HS1BP3: variants seen among roughly 807,000 people sequenced by gnomAD.
The protein encoded by HS1BP3 is HCLS1-binding protein 3.
In HS1BP3, 32 loss-of-function variants were observed where a neutral mutation model predicts 33.5. The observed-to-expected ratio is 0.95, with a 90% confidence interval of 0.72 to 1.28. The LOEUF is 1.28. Ranked by LOEUF, HS1BP3 falls within the 50% of genes most tolerant of loss-of-function variation. HS1BP3 has a pLI of 0.00. For synonymous variants in HS1BP3, 187 were observed against 209.2 expected (o/e 0.89, Z 0.92); for missense variants, 486 against 502.3 (o/e 0.97, Z 0.31).
intron 5 of HS1BP3, among the ~76,000 whole-genome samples, chr2:20,582,611 C>G (rs866195934): frequency 6.6e-6 from 1 of 152,106 alleles, no homozygotes. Flanking sequence ...TTTCTCTGCA[C>G]CCCCATCCTT....
chr2:20,640,995 G>C lies in HS1BP3; in HGVS notation c.384C>G (p.Ser128Arg). 1.2e-6 allele frequency: 2 copies of C among 1,614,174 alleles called. No individual in the cohort carries two copies. The highest frequency in any genetic ancestry group is 1.7e-6 in the Non-Finnish European group (2 of 1,180,014). Residue 128 changes from serine (S) to arginine (R), a missense_variant, in exon 3 of 7, where the codon AGC becomes AGG. Physicochemically the swap from Ser to Arg is moderately radical, Grantham distance 110. Transcript: ENST00000304031. ...CVSKDAELAG[S>R]PELLEFLGTR... The stretch of plus-strand genomic sequence containing the variant: ...TACCTAAGAACTCTAGCAGCTCTGG[G>C]CTGCCTGCCAACTCGGCATCCTTGG...
chr2:20,640,683 G>A, intron 3 of HS1BP3: 1 of 578,072 alleles, frequency 1.7e-6, no homozygotes, highest in Middle Eastern at 4.3e-4. Context: ...GGGGTGTCGG[G>A]CAAGCTCTAG....
At chr2:20,565,845 C>A (rs1030269433) in intron 5 of HS1BP3, among the ~76,000 whole-genome samples, 1 of 152,172 alleles carries the variant, frequency 6.6e-6, no homozygotes, top group Non-Finnish European at 1.5e-5. Context: ...CTGGAGCCTG[C>A]GCAGTGAGAT....
intron 2 of HS1BP3, among the ~76,000 whole-genome samples, chr2:20,642,430 G>A (rs1455005416): frequency 6.6e-6 from 1 of 152,212 alleles, no homozygotes; most frequent in Non-Finnish European, 1.5e-5. Context: ...GTCAGCACAA[G>A]AGCCTGGCTC....
At chr2:20,567,605 GC>G (rs1305764827) in intron 5 of HS1BP3, among the ~76,000 whole-genome samples, 1 of 152,074 alleles carries the variant, frequency 6.6e-6, no homozygotes, top group Non-Finnish European at 1.5e-5. Context: ...CCCAGACACA[GC>G]CCCCGGCCAC....
At chr2:20,628,676 T>TC (rs1297049200) in intron 4 of HS1BP3, among the ~76,000 whole-genome samples, 1 of 151,032 alleles carries the variant, frequency 6.6e-6, no homozygotes, top group Non-Finnish European at 1.5e-5. Flanking sequence ...CACAGGGTGT[T>TC]CCGCTCTGTC....
chr2:20,617,380 G>A (rs1694451918), downstream of HS1BP3, among the ~76,000 whole-genome samples: 2 of 152,194 alleles, frequency 1.3e-5, no homozygotes, highest in African/African-American at 4.8e-5. Context: ...GCCCTGGGGA[G>A]GGAGCTGACC....
chr2:20,651,064 G>T lies in HS1BP3; in HGVS notation c.-1C>A. On this transcript the variant is annotated 5_prime_UTR_variant, in exon 1 of 7. Coordinates refer to ENST00000304031, the MANE Select transcript of HS1BP3 (RefSeq NM_022460.4). ...TGACGAGCACCGCCGGGGACTGCATGACGGCGGCGGGGACTCCGGGCGGGG... is the reference window on the plus strand; with the variant it reads ...TGACGAGCACCGCCGGGGACTGCATTACGGCGGCGGGGACTCCGGGCGGGG... 1 of 1,234,510 alleles carries T rather than the reference G, an allele frequency of 8.1e-7. No homozygotes were observed. Among genetic ancestry groups the T allele is most frequent in the South Asian group, 4.1e-5 (1 of 24,610 alleles). The allele number at this position is 1,234,510 out of a possible 1,614,324, so 76.5% of individuals were successfully genotyped here.
chr2:20,627,426 T>C (rs1241597204), intron 4 of HS1BP3, among the ~76,000 whole-genome samples: 2 of 152,182 alleles, frequency 1.3e-5, no homozygotes, highest in Non-Finnish European at 2.9e-5. Context: ...AAGCGAGCCA[T>C]CTGAGGAACA....
chr2:20,627,877 C>A (rs1372430068), intron 4 of HS1BP3, among the ~76,000 whole-genome samples: 1 of 152,098 alleles, frequency 6.6e-6, no homozygotes, highest in East Asian at 1.9e-4. Flanking sequence ...ATAACAGATG[C>A]CTTGATAAAC....
chr2:20,624,919 G>A (rs1348020778), intron 4 of HS1BP3, 27 bp from the exon 5 acceptor site: 1 of 1,612,960 alleles, frequency 6.2e-7, no homozygotes, highest in African/African-American at 1.3e-5. Flanking sequence ...AAAGCACAAG[G>A]TGAGGATTTC....
chr2:20,575,769 C>T (rs866032261), intron 5 of HS1BP3, among the ~76,000 whole-genome samples: 18 of 151,962 alleles, frequency 1.2e-4, no homozygotes, highest in African/African-American at 4.1e-4. Context: ...CACCCCCCCC[C>T]CCCCCTTCAG....
At chr2:20,584,128 G>A (rs767783159) in intron 5 of HS1BP3, among the ~76,000 whole-genome samples, 2 of 152,232 alleles carry the variant, frequency 1.3e-5, no homozygotes, top group Non-Finnish European at 2.9e-5. Flanking sequence ...ACAGGGCTGT[G>A]TCCCCAGAGA....
chr2:20,593,149 C>T (rs1346560343), intron 3 of HS1BP3, among the ~76,000 whole-genome samples: 1 of 151,840 alleles, frequency 6.6e-6, no homozygotes, highest in Non-Finnish European at 1.5e-5. Flanking sequence ...CTGGCCTTTC[C>T]CCCAGGGTCC....
downstream of HS1BP3, among the ~76,000 whole-genome samples, chr2:20,590,594 G>A (rs1451003357): frequency 2.0e-5 from 3 of 152,210 alleles, no homozygotes; most frequent in African/African-American, 4.8e-5. Context: ...GGCATGGCCC[G>A]GCCCATCTGA....
intron 5 of HS1BP3, among the ~76,000 whole-genome samples, chr2:20,580,472 T>C (rs910708001): frequency 1.3e-5 from 2 of 152,010 alleles, no homozygotes; most frequent in Non-Finnish European, 2.9e-5. Context: ...TGAGCCAAGA[T>C]TGTGCCACTG....
rs148746411 is a variant in HS1BP3 at position 20,638,494 on chromosome 2, C to T, written c.565G>A (p.Glu189Lys). Residue 189 changes from glutamate to lysine, a missense_variant, in exon 4 of 7, where the codon GAG becomes AAG. Coordinates refer to ENST00000304031, the MANE Select transcript of HS1BP3 (RefSeq NM_022460.4). ...TCCTCCAAGGATTCCTCAGCATCCT[C>T]GCCCTTCAGGCTCTGGACGGGCGGA... ...EGPPVQSLKGEDAEESLEEEE... is the reference protein window; with the variant it reads ...EGPPVQSLKGKDAEESLEEEE... 5.7e-4 allele frequency: 919 copies of T among 1,614,280 alleles called. 4 individuals carry two copies. Among genetic ancestry groups the T allele is most frequent in the East Asian group, 2.3e-3 (105 of 44,890 alleles).
chr2:20,648,111 G>C (rs1222832692), intron 1 of HS1BP3, among the ~76,000 whole-genome samples: 1 of 152,176 alleles, frequency 6.6e-6, no homozygotes, highest in Non-Finnish European at 1.5e-5. Flanking sequence ...GAAGGACATA[G>C]CTGCTGCAGC....
At chr2:20,607,222 C>T (rs1458626687) in intron 2 of HS1BP3, among the ~76,000 whole-genome samples, 1 of 151,008 alleles carries the variant, frequency 6.6e-6, no homozygotes, top group African/African-American at 2.4e-5. Context: ...GTGGTGTGGT[C>T]TCAGCTCACT....
Sources: gnomAD v4.1 joint callset for allele counts (sites outside exome capture counted in the v4.1 genomes callset) on GRCh38, gnomAD v4.1.1 for gene constraint, MANE v1.5 for transcripts, NCBI Gene and HGNC (gene_info 2026-07-23, HGNC 2026-07-21) for gene names.